NTM: variants seen among roughly 807,000 people sequenced by gnomAD.
The protein encoded by NTM is IgLON family member 2.
A neutral mutation model predicts 42.1 loss-of-function variants in NTM; 13 were observed. That is an observed-to-expected ratio of 0.31 (90% CI 0.20 to 0.49). The LOEUF (loss-of-function observed/expected upper bound fraction) is 0.49, where lower values mean the gene tolerates loss of function less well. Among genes scored for constraint, NTM ranks in the 20% least tolerant of loss-of-function variants. NTM has a pLI of 0.99. For synonymous variants in NTM, 187 were observed against 179.2 expected (o/e 1.04, Z -0.35); for missense variants, 373 against 452.8 (o/e 0.82, Z 1.60).
intron 1 of NTM, among the ~76,000 whole-genome samples, chr11:131,723,190 C>T (rs1457099672): frequency 1.3e-5 from 2 of 152,244 alleles, no homozygotes; most frequent in Non-Finnish European, 2.9e-5. Flanking sequence ...AGCATTATCT[C>T]TGCCGTTCAC....
chr11:131,563,048 C>G (rs11222698), intron 1 of NTM, among the ~76,000 whole-genome samples: 1 of 152,062 alleles, frequency 6.6e-6, no homozygotes, highest in African/African-American at 2.4e-5. Flanking sequence ...CTTCTCATTC[C>G]CAGAGTGACC....
chr11:131,517,966 A>G (rs1205357019), intron 1 of NTM, among the ~76,000 whole-genome samples: 1 of 152,250 alleles, frequency 6.6e-6, no homozygotes, highest in African/African-American at 2.4e-5. Flanking sequence ...AGAAGGTGAC[A>G]TTCTGTCTGT....
rs1383317076 is a variant in NTM at position 132,126,598 on chromosome 11, TG to T, written c.168-19682del. ...TCATTTCTCCCCTAGCAGTTGTTTT[TG>T]GTTTTACTTTTATTTCTCCCAAGAG... On this transcript the variant is annotated intron_variant, in intron 2 of 8. Transcript: ENST00000683400. Among the ~76,000 whole-genome samples the T allele has an allele frequency of 2.6e-5, 4 of 152,280 alleles. No individual in the cohort carries two copies. In the East Asian group the frequency reaches 7.7e-4, roughly 29 times the overall value.
chr11:131,590,838 A>G (rs140635240), intron 1 of NTM, among the ~76,000 whole-genome samples: 5 of 152,264 alleles, frequency 3.3e-5, no homozygotes, highest in African/African-American at 1.2e-4. Flanking sequence ...TCTGGCCCCA[A>G]ATCCAATGCT....
chr11:131,671,302 G>C (rs930098404), intron 1 of NTM: 1 of 392,166 alleles, frequency 2.5e-6, no homozygotes, highest in Non-Finnish European at 3.5e-6. Context: ...TCCCTGGGGC[G>C]CTATCTGGCG....
At chr11:131,565,435 C>T (rs990638877) in intron 1 of NTM, among the ~76,000 whole-genome samples, 9 of 152,170 alleles carry the variant, frequency 5.9e-5, no homozygotes, top group Non-Finnish European at 8.8e-5. Context: ...GCCTCCCAGG[C>T]GGTGAGAGCG....
intron 1 of NTM, among the ~76,000 whole-genome samples, chr11:131,431,904 C>A (rs946444358): frequency 6.6e-6 from 1 of 152,142 alleles, no homozygotes; most frequent in African/African-American, 2.4e-5. Context: ...GACACTCCCC[C>A]ACACCCAACC....
At chr11:131,896,702 T>TC (rs1491261077) in intron 1 of NTM, among the ~76,000 whole-genome samples, 20 of 136,382 alleles carry the variant, frequency 1.5e-4, no homozygotes, top group African/African-American at 5.4e-4. Flanking sequence ...TTTTTTTTTT[T>TC]CTCTGAGACG....
intron 1 of NTM, among the ~76,000 whole-genome samples, chr11:131,498,769 T>G (rs1328692596): frequency 6.6e-6 from 1 of 152,182 alleles, no homozygotes; most frequent in Non-Finnish European, 1.5e-5. Context: ...GGCCCAAAGC[T>G]GCCAGGAGGG....
intron 4 of NTM, among the ~76,000 whole-genome samples, chr11:132,286,982 A>G (rs1055007203): frequency 1.2e-4 from 19 of 152,194 alleles, no homozygotes; most frequent in African/African-American, 4.6e-4. Context: ...CAACTACAGA[A>G]AATCCTTTCC....
Position 132,318,884 on chromosome 11 carries a change from T to G in NTM, c.934+4181T>G, listed in dbSNP as rs530379863. On this transcript the variant is annotated intron_variant, in intron 7 of 8. Transcript: ENST00000683400. ...GGGAGATGAAAAGAAATGCATTACA[T>G]GGGAAGGTGCATGACAGATGAAAAA... Among the ~76,000 whole-genome samples, 7 of 152,066 alleles carry G rather than the reference T, an allele frequency of 4.6e-5. No individual in the cohort carries two copies. In the South Asian group the frequency reaches 1.5e-3, roughly 32 times the overall value.
chr11:131,849,845 T>A (rs981200525), intron 1 of NTM, among the ~76,000 whole-genome samples: 1 of 147,524 alleles, frequency 6.8e-6, no homozygotes, highest in Non-Finnish European at 1.5e-5. Context: ...GGGGGAGGGA[T>A]AGCATTAGGA....
At chr11:131,731,624 G>T (rs547322634) in intron 1 of NTM, among the ~76,000 whole-genome samples, 1 of 152,114 alleles carries the variant, frequency 6.6e-6, no homozygotes, top group East Asian at 1.9e-4. Flanking sequence ...GCCTGCATAC[G>T]TTAATCTTTT....
At chr11:131,684,216 C>T (rs529950719) in intron 1 of NTM, among the ~76,000 whole-genome samples, 8 of 152,276 alleles carry the variant, frequency 5.3e-5, no homozygotes, top group Admixed American at 1.3e-4. Context: ...GTGGGGTGAG[C>T]AGCCTTCACC....
chr11:131,789,537 AAGAAGAAGAAAAGAAGAAG>A (rs2090223296), intron 1 of NTM, among the ~76,000 whole-genome samples: 3 of 29,230 alleles, frequency 1.0e-4, no homozygotes, highest in Admixed American at 4.5e-4. Context: ...GAAGAAGAAG[AAGAAGAAGAAAAGAAGAAG>A]AAGAAGAAGA....
chr11:131,931,446 A>AT (rs1565764121), intron 2 of NTM, among the ~76,000 whole-genome samples: 16 of 148,354 alleles, frequency 1.1e-4, no homozygotes, highest in Admixed American at 5.4e-4. Flanking sequence ...CTCAAAAAAA[A>AT]AAATAATAAT....
At chr11:132,061,275 T>C (rs187188955) in intron 2 of NTM, among the ~76,000 whole-genome samples, 232 of 152,348 alleles carry the variant, frequency 1.5e-3, no homozygotes, top group African/African-American at 5.5e-3. Context: ...ATATTTTTTG[T>C]GTACGTTCTA....
At chr11:131,752,837 C>T (rs1008137606) in intron 1 of NTM, among the ~76,000 whole-genome samples, 2 of 152,168 alleles carry the variant, frequency 1.3e-5, no homozygotes, top group African/African-American at 4.8e-5. Flanking sequence ...TGAGCAAGGA[C>T]TTCATGTCTA....
At chr11:132,065,830 CT>C (rs2136081771) in intron 2 of NTM, among the ~76,000 whole-genome samples, 1 of 152,280 alleles carries the variant, frequency 6.6e-6, no homozygotes, top group East Asian at 1.9e-4. Flanking sequence ...ATCTTTATTG[CT>C]TACATTAAAC....
Sources: allele counts gnomAD v4.1 joint callset (sites outside exome capture counted in the v4.1 genomes callset), GRCh38; gene constraint gnomAD v4.1.1; transcripts MANE v1.5; gene names NCBI Gene and HGNC (gene_info 2026-07-23, HGNC 2026-07-21).